The following SCYL2 variants were observed in gnomAD, a reference collection of about 807,000 sequenced individuals.
SCYL2 encodes the protein SCY1 like pseudokinase 2.
In SCYL2, 36 loss-of-function variants were observed where a neutral mutation model predicts 100.4. The ratio of observed to expected loss-of-function variants is 0.36; its 90% CI spans 0.27 to 0.47. The LOEUF is 0.47. SCYL2 is among the 20% of genes least tolerant of loss of function. The pLI is 1.00. For missense variants in SCYL2, 902 were observed against 1,083.9 expected, an observed-to-expected ratio of 0.83 and a Z score of 2.36; for synonymous variants, 330 against 359.2, an observed-to-expected ratio of 0.92 and a Z score of 0.92.
At chr12:100,277,921 A>G (rs1415999528) in intron 1 of SCYL2, among the ~76,000 whole-genome samples, 1 of 152,072 alleles carries the variant, frequency 6.6e-6, no homozygotes, top group African/African-American at 2.4e-5. Flanking sequence ...TCTACAGTAT[A>G]TATCTTTTAA....
rs769336498 is a variant in SCYL2 at position 100,298,006 on chromosome 12, A to G, written c.336-25A>G. ...GATAATGTGTAATAATATGATAGTA[A>G]ATAACTTTTTCTTTTTTAAAACAGG... On this transcript the variant is annotated intron_variant, in intron 3 of 17. Transcript: ENST00000360820. The G allele has an allele frequency of 3.8e-6, 6 of 1,577,684 alleles. 1 individual carries two copies. The South Asian group carries it at 5.7e-5, about 15-fold the overall frequency.
intron 4 of SCYL2, among the ~76,000 whole-genome samples, chr12:100,309,133 TGCGCGCGC>T (rs370498116): frequency 1.3e-5 from 2 of 150,016 alleles, no homozygotes; most frequent in African/African-American, 2.5e-5. Context: ...TGTGTGTGTG[TGCGCGCGC>T]GTGTGTGCAG....
intron 3 of SCYL2, among the ~76,000 whole-genome samples, chr12:100,292,852 C>CT (rs2096312227): frequency 6.6e-6 from 1 of 152,180 alleles, no homozygotes; most frequent in South Asian, 2.1e-4. Context: ...GAGTCTCACT[C>CT]TGTTGCCCAA....
At position 100,315,620 on chromosome 12, in the gene SCYL2, A is replaced by G. The variant is rs2096347691; in HGVS notation, c.1158A>G (p.Val386=). 6.2e-7 allele frequency: 1 copy of G among 1,611,788 alleles called. No individual in the cohort carries two copies. Among genetic ancestry groups the G allele is most frequent in the African/African-American group, 1.3e-5 (1 of 74,874 alleles). The change falls in exon 9 of 18, where the codon GTA becomes GTG. Residue 386 remains valine, a synonymous_variant. Coordinates refer to ENST00000360820, the MANE Select transcript of SCYL2 (RefSeq NM_017988.6). ...LTSEFVNPDM[V]PFVLPNVLLI... is the part of the protein sequence containing the mutation. ...CAGAATTTGTAAACCCTGACATGGT[A>G]CCTTTTGTTTTGCCCAATGTTCTAC...
intron 2 of SCYL2, among the ~76,000 whole-genome samples, chr12:100,283,488 T>C (rs1387444591): frequency 6.6e-6 from 1 of 152,184 alleles, no homozygotes; most frequent in Non-Finnish European, 1.5e-5. Context: ...TTTCTTAAAT[T>C]TTCTTTTCAT....
At chr12:100,327,137 T>C in intron 12 of SCYL2, 1 of 352,876 alleles carries the variant, frequency 2.8e-6, no homozygotes, top group Non-Finnish European at 5.6e-6. Flanking sequence ...GTTATTTTAT[T>C]CTTCCCCAAA....
intron 1 of SCYL2, among the ~76,000 whole-genome samples, chr12:100,273,993 C>T (rs1429306139): frequency 1.3e-5 from 2 of 152,222 alleles, no homozygotes; most frequent in Non-Finnish European, 2.9e-5. Context: ...TCAAAATCAA[C>T]AGCAGATGTT....
At chr12:100,310,069 G>C (rs1473409132) in intron 4 of SCYL2, among the ~76,000 whole-genome samples, 4 of 151,864 alleles carry the variant, frequency 2.6e-5, no homozygotes, top group Non-Finnish European at 5.9e-5. Flanking sequence ...CACAATCTCA[G>C]CTCACTACAA....
intron 17 of SCYL2, among the ~76,000 whole-genome samples, chr12:100,338,096 GA>G (rs1320925614): frequency 6.6e-6 from 1 of 152,110 alleles, no homozygotes; most frequent in African/African-American, 2.4e-5. Flanking sequence ...TTTTCTCTGA[GA>G]AAAACCTTTG....
At chr12:100,270,489 C>G (rs1040962006) in intron 1 of SCYL2, among the ~76,000 whole-genome samples, 2 of 152,070 alleles carry the variant, frequency 1.3e-5, no homozygotes, top group Non-Finnish European at 2.9e-5. Context: ...GTTGTAAAAA[C>G]TATAGTTCAC....
chr12:100,273,794 C>T (rs2096289922), intron 1 of SCYL2, among the ~76,000 whole-genome samples: 1 of 152,140 alleles, frequency 6.6e-6, no homozygotes, highest in South Asian at 2.1e-4. Flanking sequence ...TACATTCTTA[C>T]CACAAGTTAA....
intron 9 of SCYL2, among the ~76,000 whole-genome samples, chr12:100,316,145 A>G (rs1026451610): frequency 3.9e-5 from 6 of 152,210 alleles, no homozygotes; most frequent in African/African-American, 1.2e-4. Context: ...GCTTTGTGCC[A>G]GTTGTTTCTC....
intron 4 of SCYL2, among the ~76,000 whole-genome samples, chr12:100,309,417 A>T (rs888161781): frequency 5.3e-5 from 8 of 152,026 alleles, no homozygotes; most frequent in African/African-American, 1.9e-4. Flanking sequence ...GGCAACCACA[A>T]TTGTACTTTC....
At chr12:100,317,208 T>C (rs1396462669) in intron 9 of SCYL2, among the ~76,000 whole-genome samples, 1 of 152,200 alleles carries the variant, frequency 6.6e-6, no homozygotes, top group African/African-American at 2.4e-5. Flanking sequence ...AATTTAGGTA[T>C]GTGGAAGAAT....
At chr12:100,283,292 A>C in intron 2 of SCYL2, 145 bp downstream of exon 2, 1 of 641,438 alleles carries the variant, frequency 1.6e-6, no homozygotes, top group Non-Finnish European at 2.6e-6. Context: ...TATCTTATTA[A>C]GTCATACAAA....
chr12:100,324,528 T>TA (rs2096359652), intron 11 of SCYL2, among the ~76,000 whole-genome samples: 1 of 152,208 alleles, frequency 6.6e-6, no homozygotes, highest in South Asian at 2.1e-4. Context: ...TAAGCAAAAG[T>TA]AATTTGAATG....
chr12:100,286,385 C>G (rs1052627333), intron 2 of SCYL2, among the ~76,000 whole-genome samples: 26 of 152,076 alleles, frequency 1.7e-4, no homozygotes, highest in Non-Finnish European at 2.6e-4. Flanking sequence ...AAAATTGATT[C>G]ATTTAACATT....
chr12:100,320,565 T>TAAATA (rs1442605920), intron 10 of SCYL2, among the ~76,000 whole-genome samples: 1 of 146,480 alleles, frequency 6.8e-6, no homozygotes, highest in Non-Finnish European at 1.5e-5. Flanking sequence ...AATAAATAAA[T>TAAATA]AAATAAATAA....
At chr12:100,273,046 C>T (rs908114103) in intron 1 of SCYL2, among the ~76,000 whole-genome samples, 2 of 152,066 alleles carry the variant, frequency 1.3e-5, no homozygotes, top group Non-Finnish European at 2.9e-5. Flanking sequence ...TCTCTTCAGT[C>T]TTGCCATATT....
Sources: gnomAD v4.1 joint callset for allele counts (sites outside exome capture counted in the v4.1 genomes callset) on GRCh38, gnomAD v4.1.1 for gene constraint, MANE v1.5 for transcripts, NCBI Gene and HGNC (gene_info 2026-07-23, HGNC 2026-07-21) for gene names.